The following PKD1L1 variants were observed in gnomAD, a reference collection of about 807,000 sequenced individuals.
PKD1L1 encodes polycystin-1-like protein 1.
Under a neutral mutation model 323.4 loss-of-function variants are expected in PKD1L1, and 236 were observed. The observed-to-expected ratio is 0.73, with a 90% CI of 0.66 to 0.81. The LOEUF is 0.81. PKD1L1 is among the 40% of genes least tolerant of loss of function. The probability of loss-of-function intolerance (pLI) is 0.00; values close to 1 mark genes in which losing one functional copy is unlikely to be tolerated. For missense variants in PKD1L1, 3,320 were observed against 3,508.0 expected, an observed-to-expected ratio of 0.95 and a Z score of 1.35; for synonymous variants, 1,344 against 1,335.0, an observed-to-expected ratio of 1.01 and a Z score of -0.15.
rs1447645024 is a variant in PKD1L1 at position 47,827,471 on chromosome 7, G to A, written c.6736-3C>T. 1.6e-5 allele frequency: 25 copies of A among 1,605,590 alleles called. No individual in the cohort carries two copies. Among genetic ancestry groups the A allele is most frequent in the Non-Finnish European group, 2.0e-5 (24 of 1,177,766 alleles). ...GCTTGTTGTCGGGCAGCCAAGACCT[G>A]TCAGGGACAAGAGTGCTGTGAGCTG... On this transcript the variant is annotated splice_region_variant and splice_polypyrimidine_tract_variant and intron_variant, in intron 44 of 56. Transcript: ENST00000289672.
rs1040002597 is a variant in PKD1L1, at chr7:47,894,132, C to G, written c.2272-73G>C. ...GGACTCACTGGAGAAACACACTAGT[C>G]TGAAAATTAGAAAGGAAGCCGACGA... is the stretch of plus-strand genomic sequence containing the variant. On this transcript the variant is annotated intron_variant, in intron 14 of 56. Transcript: ENST00000289672. The G allele has an allele frequency of 8.0e-5, 111 of 1,389,224 alleles. No homozygotes were observed. The South Asian group carries it at 1.4e-3, about 17-fold the overall frequency. 86.1% of individuals were successfully genotyped at this position (1,389,224 alleles called of 1,614,324 possible).
chr7:47,869,149 A>G (rs1786228602), intron 24 of PKD1L1, among the ~76,000 whole-genome samples: 2 of 152,346 alleles, frequency 1.3e-5, no homozygotes, highest in South Asian at 4.1e-4. Flanking sequence ...AGTGAAAATG[A>G]TATACTAGAA....
At chr7:47,803,635 C>T (rs914653174) in intron 52 of PKD1L1, among the ~76,000 whole-genome samples, 1 of 152,200 alleles carries the variant, frequency 6.6e-6, no homozygotes, top group Non-Finnish European at 1.5e-5. Context: ...AGATGGGACT[C>T]TGTCCACCCC....
chr7:47,877,720 G>A, intron 21 of PKD1L1, 89 bp from the exon 22 acceptor site: 4 of 1,453,824 alleles, frequency 2.8e-6, no homozygotes, highest in Non-Finnish European at 3.7e-6. Flanking sequence ...CCTTATAGCA[G>A]GGGTTCTCAA....
chr7:47,905,080 AGCAGCATGGTGATCTTC>A, intron 11 of PKD1L1, 60 bp downstream of exon 11: 1 of 1,488,594 alleles, frequency 6.7e-7, no homozygotes, highest in Non-Finnish European at 9.1e-7. Context: ...TGCCTTCGGT[AGCAGCATGGTGATCTTC>A]AGACTGAGTA....
chr7:47,792,463 T>C (rs920813509), intron 56 of PKD1L1, among the ~76,000 whole-genome samples, 164 bp downstream of exon 56: 2 of 152,234 alleles, frequency 1.3e-5, no homozygotes, highest in Non-Finnish European at 2.9e-5. Flanking sequence ...AATTTTTAAG[T>C]GGTTCTTTAG....
intron 15 of PKD1L1, among the ~76,000 whole-genome samples, chr7:47,891,710 A>T (rs1786822427): frequency 6.6e-6 from 1 of 152,234 alleles, no homozygotes; most frequent in Admixed American, 6.5e-5. Context: ...TTTAGCTGGA[A>T]TATTCTATAC....
intron 46 of PKD1L1, among the ~76,000 whole-genome samples, chr7:47,820,324 C>T (rs1399908481): frequency 6.6e-6 from 1 of 152,196 alleles, no homozygotes; most frequent in African/African-American, 2.4e-5. Flanking sequence ...CTGCTTTACA[C>T]TTTTCAGTTC....
intron 53 of PKD1L1, among the ~76,000 whole-genome samples, chr7:47,801,993 C>A (rs1784672776): frequency 6.6e-6 from 1 of 151,968 alleles, no homozygotes; most frequent in East Asian, 1.9e-4. Flanking sequence ...AGATCGAGAC[C>A]ATCCTGGCTA....
rs1455054832 is a variant in PKD1L1, at chr7:47,830,259, T to A, written c.6474-135A>T. The A allele has an allele frequency of 7.3e-6, 5 of 686,410 alleles. No homozygotes were observed. The African/African-American group carries it at 9.1e-5, about 12-fold the overall frequency. The allele number at this position is 686,410 out of a possible 1,614,324, so 42.5% of individuals were successfully genotyped here. A position where few individuals can be genotyped will look rare whatever the true frequency, so the allele number is the denominator to read the frequency against. On this transcript the variant is annotated intron_variant, in intron 42 of 56. Transcript: ENST00000289672. ...CGTGGCAGGAAGCCTGCTGTGGGGG[T>A]GGTGCTGGACATGGGCAGTGTCTTT... is the stretch of plus-strand genomic sequence containing the variant.
chr7:47,933,666 C>T (rs1015917931), intron 4 of PKD1L1, among the ~76,000 whole-genome samples: 3 of 152,080 alleles, frequency 2.0e-5, no homozygotes, highest in Non-Finnish European at 4.4e-5. Flanking sequence ...TAACTAACTC[C>T]ATCTTAGAAA....
intron 7 of PKD1L1, among the ~76,000 whole-genome samples, chr7:47,922,729 G>A (rs1458570924): frequency 2.9e-5 from 4 of 136,460 alleles, no homozygotes; most frequent in East Asian, 2.0e-4. Flanking sequence ...CGCCCCGTCC[G>A]GCCAGCCGCC....
chr7:47,836,063 C>T (rs1239404185), intron 37 of PKD1L1, among the ~76,000 whole-genome samples: 4 of 152,222 alleles, frequency 2.6e-5, no homozygotes, highest in African/African-American at 9.6e-5. Context: ...TTCCTCACCA[C>T]AGGCCCTGGT....
At chr7:47,798,775 C>A (rs12702386) in intron 54 of PKD1L1, among the ~76,000 whole-genome samples, 105,917 of 146,966 alleles carry the variant, frequency 0.72, 38,437 homozygotes, top group Non-Finnish European at 0.75. Context: ...AACAAAAAAA[C>A]CAAAAACAAA....
chr7:47,956,428 C>A, the PKD1L1 span, among the ~76,000 whole-genome samples: 119 of 152,282 alleles, frequency 7.8e-4, no homozygotes, highest in Non-Finnish European at 1.5e-3. Context: ...GGGCTCACAG[C>A]AGTCAACAAA....
At chr7:47,959,751 G>A in the PKD1L1 span, among the ~76,000 whole-genome samples, 11 of 145,534 alleles carry the variant, frequency 7.6e-5, 1 homozygote, top group South Asian at 2.2e-4. Flanking sequence ...GAGGTGGAGG[G>A]GTCAGCCCCC....
chr7:47,836,174 C>A (rs557532848), intron 37 of PKD1L1, among the ~76,000 whole-genome samples: 1 of 152,168 alleles, frequency 6.6e-6, no homozygotes, highest in African/African-American at 2.4e-5. Context: ...TTAATCCCAC[C>A]AATCCATAAT....
At chr7:47,953,442 C>T (rs535006555), upstream of PKD1L1, among the ~76,000 whole-genome samples, 4 of 152,284 alleles carry the variant, frequency 2.6e-5, 1 homozygote, top group South Asian at 8.3e-4. Flanking sequence ...GAAAGGACTG[C>T]TACTTATGTG....
intron 56 of PKD1L1, among the ~76,000 whole-genome samples, chr7:47,776,144 A>C (rs576568895): frequency 1.1e-3 from 165 of 152,374 alleles, no homozygotes; most frequent in African/African-American, 3.8e-3. Context: ...TAAGCTGTAT[A>C]GTCCTATACT....
Sources: allele counts gnomAD v4.1 joint callset (sites outside exome capture counted in the v4.1 genomes callset), GRCh38; gene constraint gnomAD v4.1.1; transcripts MANE v1.5; gene names NCBI Gene and HGNC (gene_info 2026-07-23, HGNC 2026-07-21).